OSBPL7: variants seen among roughly 807,000 people sequenced by gnomAD.
OSBPL7 encodes the protein oxysterol-binding protein-related protein 7.
A neutral mutation model predicts 115.8 loss-of-function variants in OSBPL7; 66 were observed. The ratio of observed to expected loss-of-function variants is 0.57; its 90% CI spans 0.47 to 0.70. The LOEUF is 0.70. Among genes scored for constraint, OSBPL7 ranks in the 30% least tolerant of loss-of-function variants. OSBPL7 has a pLI of 0.00. For synonymous variants in OSBPL7, 441 were observed against 439.2 expected (o/e 1.00, Z -0.05); for missense variants, 902 against 1,125.5 (o/e 0.80, Z 2.84).
rs1207881586 is a variant in OSBPL7 at position 47,816,813 on chromosome 17, G to A, written c.762C>T (p.Thr254=). ...TGGTGTCATCCTTGGCAAAGCTCTG[G>A]GTGCACCACATGCGGCTTGTCCGTT... ...KGKRTSRMWC[T]QSFAKDDTIG... is the part of the protein sequence containing the mutation. Residue 254 remains threonine, a synonymous_variant, in exon 9 of 23, where the codon ACC becomes ACT. Transcript: ENST00000007414. The surrounding 1 kb of genome is among the most constrained non-coding windows in gnomAD (Gnocchi z 5.8). 13 of 1,614,000 alleles carry A rather than the reference G, an allele frequency of 8.1e-6. No homozygotes were observed. The highest frequency in any genetic ancestry group is 1.1e-5 in the Non-Finnish European group (13 of 1,180,032).
Position 47,818,337 on chromosome 17 carries a change from C to T in OSBPL7, c.530G>A (p.Gly177Glu). ...AGACACTTTCTCCCGCGGTCCAAGC[C>T]CAGGTAGGGCTGAGGCAGTAGCTGC... is the stretch of plus-strand genomic sequence containing the variant. ...PTAATASALP[G>E]LGPREKVSSW... The change falls in exon 7 of 23, where the codon GGG becomes GAG. Residue 177 changes from glycine (G) to glutamate (E), a missense_variant. Coordinates refer to ENST00000007414, the MANE Select transcript of OSBPL7 (RefSeq NM_145798.3). 1 of 1,614,192 alleles carries T rather than the reference C, an allele frequency of 6.2e-7. No homozygotes were observed. Among genetic ancestry groups the T allele is most frequent in the South Asian group, 1.1e-5 (1 of 91,080 alleles).
Position 47,813,256 on chromosome 17 carries a change from A to C in OSBPL7, c.1737+10T>G. ...CACCCAAGGCCAGCCCTCTTCTCCC[A>C]AGGCCATACCTGCTCACTGATGAAG... On this transcript the variant is annotated intron_variant, in intron 16 of 22. Coordinates refer to ENST00000007414, the MANE Select transcript of OSBPL7 (RefSeq NM_145798.3). 1 of 1,613,786 alleles carries C rather than the reference A, an allele frequency of 6.2e-7. No homozygotes were observed. Among genetic ancestry groups the C allele is most frequent in the Non-Finnish European group, 8.5e-7 (1 of 1,179,992 alleles).
chr17:47,812,502 T>TAGTG (rs2033076067), intron 16 of OSBPL7, among the ~76,000 whole-genome samples: 1 of 135,878 alleles, frequency 7.4e-6, no homozygotes, highest in Non-Finnish European at 1.7e-5. Context: ...CCCACACACA[T>TAGTG]TGTCCACCTC....
Position 47,816,056 on chromosome 17 carries a change from G to A in OSBPL7, c.1119+51C>T. ...CTGCCCTGGGCCTTGGCTTTCGCTG[G>A]GAGAGAAGGCACAGGAGAATCGGCC... On this transcript the variant is annotated intron_variant, in intron 12 of 22. Coordinates refer to ENST00000007414, the MANE Select transcript of OSBPL7 (RefSeq NM_145798.3). This position sits in a 1 kb window ranked among gnomAD's most constrained non-coding sequence, Gnocchi z 5.8. The A allele has an allele frequency of 3.4e-6, 5 of 1,473,760 alleles. No individual in the cohort carries two copies. The highest frequency in any genetic ancestry group is 4.6e-6 in the Non-Finnish European group (5 of 1,094,258). The allele number at this position is 1,473,760 out of a possible 1,614,324, so 91.3% of individuals were successfully genotyped here.
chr17:47,812,644 G>A (rs955215220), intron 16 of OSBPL7, among the ~76,000 whole-genome samples: 13 of 152,174 alleles, frequency 8.5e-5, no homozygotes, highest in African/African-American at 2.9e-4. Context: ...GTCCGGGGCA[G>A]CACATAAACA....
At position 47,808,413 on chromosome 17, in the gene OSBPL7, G is replaced by A. The variant is rs1352455452; in HGVS notation, c.2421-14C>T. On this transcript the variant is annotated splice_polypyrimidine_tract_variant and intron_variant, in intron 22 of 22. Coordinates refer to ENST00000007414, the MANE Select transcript of OSBPL7 (RefSeq NM_145798.3). This position sits in a 1 kb window ranked among gnomAD's most constrained non-coding sequence, Gnocchi z 6.1. ...TCCGTCTGCCGCCTGGTGGGAGAAG[G>A]CGGTGGCAGTGAGGGGTGAACATCT... The A allele has an allele frequency of 1.2e-6, 2 of 1,614,066 alleles. No homozygotes were observed. Among genetic ancestry groups the A allele is most frequent in the South Asian group, 2.2e-5 (2 of 91,090 alleles).
At chr17:47,815,487 C>A in intron 12 of OSBPL7, 135 bp from the exon 13 acceptor site, 1 of 1,134,374 alleles carries the variant, frequency 8.8e-7, no homozygotes, top group South Asian at 1.4e-5. Context: ...ACCTTCTGAG[C>A]AGAAGAGGCA....
At position 47,809,320 on chromosome 17, in the gene OSBPL7, G is replaced by T. The variant is rs1345361792; in HGVS notation, c.2025+14C>A. ...GCCGGGGATGGATGGGCAGGGTCAG[G>T]GTGGCACACACACCTTGCAGAAGGT... On this transcript the variant is annotated intron_variant, in intron 19 of 22. Transcript: ENST00000007414. 5 of 1,613,646 alleles carry T rather than the reference G, an allele frequency of 3.1e-6. No individual in the cohort carries two copies. The highest frequency in any genetic ancestry group is 4.2e-6 in the Non-Finnish European group (5 of 1,179,614).
intron 14 of OSBPL7, 39 bp downstream of exon 14, chr17:47,814,482 C>CCCCTCCCCCCCCCCCCCT: frequency 1.9e-6 from 2 of 1,062,014 alleles, no homozygotes; most frequent in Non-Finnish European, 1.4e-6. Context: ...TTTTTCCACC[C>CCCCTCCCCCCCCCCCCCT]GCCTCCCACC....
At chr17:47,815,458 C>T in intron 12 of OSBPL7, 106 bp from the exon 13 acceptor site, 1 of 1,467,256 alleles carries the variant, frequency 6.8e-7, no homozygotes, top group Non-Finnish European at 9.2e-7. Flanking sequence ...CATAACCGGG[C>T]ACTTTTGCTG....
At chr17:47,810,336 C>T (rs1312344340) in intron 18 of OSBPL7, among the ~76,000 whole-genome samples, 1 of 152,140 alleles carries the variant, frequency 6.6e-6, no homozygotes, top group Non-Finnish European at 1.5e-5. Flanking sequence ...GAGTCATGGT[C>T]AAAAAAGTGT....
In OSBPL7 at chr17:47,813,770, C is replaced by T. The variant is rs772263023; in HGVS notation, c.1416G>A (p.Gly472=). ...PRRRCLPAAS[G]PGADVSLWNI... The stretch of plus-strand genomic sequence containing the variant: ...TCCACAGGCTCACGTCAGCCCCAGG[C>T]CCGCTGGCCGCCGGCAGGCAGCGAC... Residue 472 remains glycine (G), a synonymous_variant, in exon 15 of 23, where the codon GGG becomes GGA. Coordinates refer to ENST00000007414, the MANE Select transcript of OSBPL7 (RefSeq NM_145798.3). 20 of 1,612,976 alleles carry T rather than the reference C, an allele frequency of 1.2e-5. No individual in the cohort carries two copies. Among genetic ancestry groups the T allele is most frequent in the Non-Finnish European group, 1.4e-5 (16 of 1,179,916 alleles).
intron 13 of OSBPL7, 78 bp from the exon 14 acceptor site, chr17:47,814,692 A>G: frequency 7.7e-7 from 1 of 1,291,014 alleles, no homozygotes; most frequent in Non-Finnish European, 1.1e-6. Context: ...CCTGGCAAGA[A>G]TCTGCCCAAC....
rs772563870 is a variant in OSBPL7, at chr17:47,820,294, C to G, written c.-16G>C. 6.2e-7 allele frequency: 1 copy of G among 1,611,644 alleles called. No homozygotes were observed. The highest frequency in any genetic ancestry group is 8.5e-7 in the Non-Finnish European group (1 of 1,178,862). ...GGAAGTCCATGGAGAAGGGAGAGGC[C>G]ACTCCCTGCTGGGGATGTAGAGCAG... On this transcript the variant is annotated 5_prime_UTR_variant, in exon 2 of 23. Transcript: ENST00000007414.
intron 5 of OSBPL7, 31 bp from the exon 6 acceptor site, chr17:47,818,647 T>C (rs141251437): frequency 1.9e-6 from 3 of 1,577,002 alleles, no homozygotes; most frequent in Non-Finnish European, 2.6e-6. Context: ...GGGAGGGCTA[T>C]CTGAAGAGAG....
At position 47,808,681 on chromosome 17, in the gene OSBPL7, C is replaced by T; in HGVS notation, c.2298-21G>A. ...GGTACCTGAGGATCCAGATCAAACTCAGGGGAACTGCCCATCTGCAGGGGC... is the reference window on the plus strand; with the variant it reads ...GGTACCTGAGGATCCAGATCAAACTTAGGGGAACTGCCCATCTGCAGGGGC... On this transcript the variant is annotated intron_variant, in intron 21 of 22. Coordinates refer to ENST00000007414, the MANE Select transcript of OSBPL7 (RefSeq NM_145798.3). The surrounding 1 kb of genome is among the most constrained non-coding windows in gnomAD (Gnocchi z 6.1). The T allele has an allele frequency of 1.9e-6, 3 of 1,613,754 alleles. No homozygotes were observed. Among genetic ancestry groups the T allele is most frequent in the Non-Finnish European group, 2.5e-6 (3 of 1,179,804 alleles).
Position 47,815,300 on chromosome 17 carries a change from G to A in OSBPL7, c.1172C>T (p.Thr391Ile), listed in dbSNP as rs373657004. 6.2e-7 allele frequency: 1 copy of A among 1,614,048 alleles called. No homozygotes were observed. Among genetic ancestry groups the A allele is most frequent in the South Asian group, 1.1e-5 (1 of 91,072 alleles). The change falls in exon 13 of 23, where the codon ACC (threonine) becomes ATC (isoleucine). Residue 391 changes from threonine (T) to isoleucine (I), a missense_variant. Physicochemically the swap from Thr to Ile is moderately conservative, Grantham distance 89. Coordinates refer to ENST00000007414, the MANE Select transcript of OSBPL7 (RefSeq NM_145798.3). ...GGAATCAGCAAGGGACAGGATGCTG[G>A]TCTGCGATAGCTGGGGGGTGAGCTC... ...GRELTPQLSQ[T>I]SILSLADSHT...
At chr17:47,817,643 G>A (rs1332393625) in intron 7 of OSBPL7, among the ~76,000 whole-genome samples, 2 of 152,124 alleles carry the variant, frequency 1.3e-5, no homozygotes, top group African/African-American at 4.8e-5. Flanking sequence ...TGCCCACCTT[G>A]GTTTCCAAAA....
Position 47,809,478 on chromosome 17 carries a change from C to T in OSBPL7, c.1881G>A (p.Arg627=). The change falls in exon 19 of 23, where the codon AGG becomes AGA. Residue 627 remains arginine (R), a splice_region_variant and synonymous_variant. Transcript: ENST00000007414. ...TGTTCCACTCAAAGTGGTCCCCAAACCTGAGAAAGACAAGGTATGGAAGGG... is the reference window on the plus strand; with the variant it reads ...TGTTCCACTCAAAGTGGTCCCCAAATCTGAGAAAGACAAGGTATGGAAGGG... ...PVGTVNVSLP[R]FGDHFEWNKV... 1 of 1,610,654 alleles carries T rather than the reference C, an allele frequency of 6.2e-7. No individual in the cohort carries two copies.
Sources: allele counts gnomAD v4.1 joint callset (sites outside exome capture counted in the v4.1 genomes callset), GRCh38; gene constraint gnomAD v4.1.1; non-coding constraint Gnocchi (gnomAD v3.1); transcripts MANE v1.5; gene names NCBI Gene and HGNC (gene_info 2026-07-23, HGNC 2026-07-21).